UTRN: variants seen among roughly 807,000 people sequenced by gnomAD.
The protein encoded by UTRN is utrophin.
UTRN carries 283 observed loss-of-function variants against 463.9 expected under a neutral mutation model. That is an observed-to-expected ratio of 0.61 (90% CI 0.55 to 0.67). The LOEUF (loss-of-function observed/expected upper bound fraction) is 0.67. Among genes scored for constraint, UTRN ranks in the 30% least tolerant of loss-of-function variants. UTRN has a pLI of 0.00. For missense variants in UTRN, 3,922 were observed against 4,084.3 expected (o/e 0.96, Z 1.08); for synonymous variants, 1,442 against 1,431.5 (o/e 1.01, Z -0.17).
intron 52 of UTRN, among the ~76,000 whole-genome samples, chr6:144,698,004 C>T (rs982816592): frequency 4.6e-4 from 70 of 152,248 alleles, no homozygotes; most frequent in African/African-American, 1.7e-3. Flanking sequence ...GTTTTGCACA[C>T]GGAGACACTC....
chr6:144,633,919 G>A (rs1776817845), intron 51 of UTRN, among the ~76,000 whole-genome samples: 1 of 152,224 alleles, frequency 6.6e-6, no homozygotes, highest in Admixed American at 6.5e-5. Flanking sequence ...TTAGTATAGT[G>A]TTTCCTATGA....
intron 66 of UTRN, among the ~76,000 whole-genome samples, 177 bp downstream of exon 66, chr6:144,821,195 A>T (rs1401860628): frequency 6.6e-6 from 1 of 152,226 alleles, no homozygotes; most frequent in Non-Finnish European, 1.5e-5. Flanking sequence ...ACAATGTCAC[A>T]GCCAAAATTT....
Position 144,487,548 on chromosome 6 carries a change from T to G in UTRN, c.3823T>G (p.Ser1275Ala), listed in dbSNP as rs374762304. ...TTTTTTTTTCCCATCTCCATTCCAG[T>G]CTCTGGAATCTGTTCTGCGCCACCC... ...KTDAVNEALESLESVLRHPAD... is the reference protein window; with the variant it reads ...KTDAVNEALEALESVLRHPAD... Residue 1275 changes from serine to alanine, a missense_variant and splice_region_variant, in exon 29 of 75, where the codon TCT becomes GCT. Physicochemically the swap from Ser to Ala is moderately conservative, Grantham distance 99. This residue lies in a region of UTRN where 2,349 missense variants were observed against 2,303.8 expected (regional missense o/e 1.02). Coordinates refer to ENST00000367545, the MANE Select transcript of UTRN (RefSeq NM_007124.3). 2 of 1,592,810 alleles carry G rather than the reference T, an allele frequency of 1.3e-6. No individual in the cohort carries two copies. The highest frequency in any genetic ancestry group is 1.7e-6 in the Non-Finnish European group (2 of 1,167,888).
At position 144,771,468 on chromosome 6, in the gene UTRN, C is replaced by T. The variant is rs183166462; in HGVS notation, c.8496-439C>T. 2.0e-5 allele frequency among the ~76,000 whole-genome samples: 3 copies of T among 152,142 alleles called. No individual in the cohort carries two copies. In the East Asian group the frequency reaches 5.8e-4, roughly 29 times the overall value. ...TGAGACAGTGTCTCACTCTGTCACCCAGGCTACAGTGCAGTGAAACGATCT... is the reference window on the plus strand; with the variant it reads ...TGAGACAGTGTCTCACTCTGTCACCTAGGCTACAGTGCAGTGAAACGATCT... On this transcript the variant is annotated intron_variant, in intron 58 of 74. Transcript: ENST00000367545.
At chr6:144,754,918 G>A (rs1170689530) in intron 57 of UTRN, 120 bp downstream of exon 57, 1 of 897,402 alleles carries the variant, frequency 1.1e-6, no homozygotes, top group East Asian at 2.7e-5. Flanking sequence ...ATCCTTGTAA[G>A]GAGGTACTAA....
chr6:144,291,788 G>T lies in UTRN; in HGVS notation c.-41G>T, dbSNP rs373404270. 1 of 1,593,786 alleles carries T rather than the reference G, an allele frequency of 6.3e-7. No homozygotes were observed. The highest frequency in any genetic ancestry group is 1.4e-5 in the African/African-American group (1 of 74,050). On this transcript the variant is annotated 5_prime_UTR_variant, in exon 2 of 75. Transcript: ENST00000367545. Reference sequence around the variant, plus strand: ...AGGAAGTTGAAAGCCTTAGAAAGAGGACTTGGTAAAGTTTTTGGATTATCT... The same window carrying T: ...AGGAAGTTGAAAGCCTTAGAAAGAGTACTTGGTAAAGTTTTTGGATTATCT...
intron 11 of UTRN, 36 bp downstream of exon 11, chr6:144,437,782 A>G (rs901376740): frequency 6.3e-7 from 1 of 1,587,406 alleles, no homozygotes; most frequent in Middle Eastern, 1.7e-4. Flanking sequence ...TTAATTCCAC[A>G]GGCTGCTTTG....
intron 51 of UTRN, among the ~76,000 whole-genome samples, chr6:144,615,498 A>T (rs528644737): frequency 5.9e-5 from 9 of 152,210 alleles, no homozygotes; most frequent in African/African-American, 2.2e-4. Flanking sequence ...TGCTCATATG[A>T]TACCCTTTAG....
At chr6:144,750,806 A>G (rs767146669) in intron 55 of UTRN, among the ~76,000 whole-genome samples, 23 of 152,162 alleles carry the variant, frequency 1.5e-4, no homozygotes, top group Non-Finnish European at 2.4e-4. Flanking sequence ...TGTGCTGAAT[A>G]GTGAGGGTCT....
chr6:144,511,233 T>TAAACA, intron 35 of UTRN, 110 bp downstream of exon 35: 4 of 1,088,464 alleles, frequency 3.7e-6, no homozygotes, highest in Non-Finnish European at 4.8e-6. Context: ...TGTGTCACAG[T>TAAACA]GATGTTTTGC....
chr6:144,287,357 G>GTGTAAAT lies in UTRN; in HGVS notation c.-93+1536_-93+1537insTGTAAAT, dbSNP rs1803787690. ...CACAGTAGTATTAACCTTCCCTGGA[G>GTGTAAAT]CGCTTCCGAGTGTAAATGGCAGTTC... On this transcript the variant is annotated intron_variant, in intron 1 of 74. Coordinates refer to ENST00000367545, the MANE Select transcript of UTRN (RefSeq NM_007124.3). Among the ~76,000 whole-genome samples the GTGTAAAT allele has an allele frequency of 3.3e-5, 5 of 152,128 alleles. No homozygotes were observed. In the South Asian group the frequency reaches 1.0e-3, roughly 32 times the overall value.
At chr6:144,574,500 A>T (rs954143007) in intron 50 of UTRN, among the ~76,000 whole-genome samples, 5 of 152,138 alleles carry the variant, frequency 3.3e-5, no homozygotes, top group African/African-American at 1.2e-4. Context: ...TTTGGGTTGT[A>T]TTCAGTTTTT....
intron 3 of UTRN, among the ~76,000 whole-genome samples, chr6:144,414,196 G>A (rs1449070374): frequency 6.6e-6 from 1 of 151,968 alleles, no homozygotes; most frequent in Non-Finnish European, 1.5e-5. Flanking sequence ...CCAGAAGAAG[G>A]CATCGGTATC....
At chr6:144,660,200 T>C (rs1779726833) in intron 51 of UTRN, 1 of 470,978 alleles carries the variant, frequency 2.1e-6, no homozygotes, top group Admixed American at 2.4e-5. Flanking sequence ...GCCGGAAAGA[T>C]GTAGGCTTCA....
At position 144,690,095 on chromosome 6, in the gene UTRN, T is replaced by TTGTGTGTGTG. The variant is rs1554339292; in HGVS notation, c.7653-9966_7653-9957dup. ...TTCTGTTTTTTTTTTTTTTTTTTTT[T>TTGTGTGTGTG]TGTGTGTGTGTGTGTGTGTGTGTGT... On this transcript the variant is annotated intron_variant, in intron 52 of 74. Coordinates refer to ENST00000367545, the MANE Select transcript of UTRN (RefSeq NM_007124.3). 6.4e-3 allele frequency among the ~76,000 whole-genome samples: 215 copies of TTGTGTGTGTG among 33,430 alleles called. 6 individuals are homozygous for TTGTGTGTGTG. Among genetic ancestry groups the TTGTGTGTGTG allele is most frequent in the Middle Eastern group, 0.056 (2 of 36 alleles). 21.9% of individuals were successfully genotyped at this position (33,430 alleles called of 152,430 possible).
rs757500422 is a variant in UTRN at position 144,554,729 on chromosome 6, G to A, written c.6970G>A (p.Val2324Ile). 27 of 1,613,832 alleles carry A rather than the reference G, an allele frequency of 1.7e-5. No homozygotes were observed. The highest frequency in any genetic ancestry group is 2.7e-5 in the African/African-American group (2 of 74,858). ...KNQWDGTQHGVELRQQQLEDM... is the reference protein window; with the variant it reads ...KNQWDGTQHGIELRQQQLEDM... ...CCAGTGGGATGGCACCCAGCATGGCGTTGAGCTAAGACAGCAGCAGCTTGA... is the reference window on the plus strand; with the variant it reads ...CCAGTGGGATGGCACCCAGCATGGCATTGAGCTAAGACAGCAGCAGCTTGA... The change falls in exon 49 of 75, where the codon GTT becomes ATT. Residue 2324 changes from valine (V) to isoleucine (I), a missense_variant. Val to Ile is a conservative substitution (Grantham distance 29). This residue lies in a region of UTRN where 1,309 missense variants were observed against 1,452.6 expected (regional missense o/e 0.90). Coordinates refer to ENST00000367545, the MANE Select transcript of UTRN (RefSeq NM_007124.3).
intron 65 of UTRN, among the ~76,000 whole-genome samples, chr6:144,803,970 A>G (rs971851143): frequency 1.1e-4 from 17 of 152,234 alleles, no homozygotes; most frequent in Admixed American, 7.2e-4. Context: ...TTTCAATTTT[A>G]CTAAGCCCCA....
intron 54 of UTRN, among the ~76,000 whole-genome samples, chr6:144,733,628 G>A (rs948419843): frequency 6.6e-6 from 1 of 151,848 alleles, no homozygotes; most frequent in South Asian, 2.1e-4. Context: ...AATGATTTTG[G>A]AACTGTCTTG....
chr6:144,539,443 G>T lies in UTRN; in HGVS notation c.6519G>T (p.Lys2173Asn). 1.3e-6 allele frequency: 2 copies of T among 1,590,832 alleles called. No homozygotes were observed. Among genetic ancestry groups the T allele is most frequent in the South Asian group, 1.2e-5 (1 of 86,680 alleles). ...GGACTGTAAATATGACATGGAATAAGGTGTGTGTAAAGTTACTATCACACA... is the reference window on the plus strand; with the variant it reads ...GGACTGTAAATATGACATGGAATAATGTGTGTGTAAAGTTACTATCACACA... Reference protein sequence around the residue: ...SLRTVNMTWNKICREVPTTLK... With the variant: ...SLRTVNMTWNNICREVPTTLK... Residue 2173 changes from lysine to asparagine, a missense_variant and splice_region_variant, in exon 45 of 75, where the codon AAG (lysine) becomes AAT (asparagine). Physicochemically the swap from Lys to Asn is moderately conservative, Grantham distance 94. Coordinates refer to ENST00000367545, the MANE Select transcript of UTRN (RefSeq NM_007124.3).
Sources: allele counts gnomAD v4.1 joint callset (sites outside exome capture counted in the v4.1 genomes callset), GRCh38; gene constraint gnomAD v4.1.1; regional missense constraint gnomAD v4.1.1; transcripts MANE v1.5; gene names NCBI Gene and HGNC (gene_info 2026-07-23, HGNC 2026-07-21).